Variants in PDZD8 observed in about 807,000 individuals in gnomAD.
PDZD8 encodes the protein PDZ domain-containing protein 8.
In PDZD8, 14 loss-of-function variants were observed where a neutral mutation model predicts 85.8. That is an observed-to-expected ratio of 0.16 (90% CI 0.11 to 0.26). PDZD8 has a LOEUF of 0.26. PDZD8 is among the 10% of genes least tolerant of loss of function. The pLI, the probability that PDZD8 is intolerant of heterozygous loss-of-function variation, is 1.00. For synonymous variants in PDZD8, 592 were observed against 568.6 expected, an observed-to-expected ratio of 1.04 and a Z score of -0.59; for missense variants, 1,197 against 1,424.3, an observed-to-expected ratio of 0.84 and a Z score of 2.57.
At chr10:117,309,429 CA>C (rs1439404011) in intron 3 of PDZD8, among the ~76,000 whole-genome samples, 2 of 151,774 alleles carry the variant, frequency 1.3e-5, no homozygotes, top group Admixed American at 1.3e-4. Context: ...CAAAGCACCA[CA>C]TGAAAAACAT....
At chr10:117,349,252 A>G (rs74159183) in intron 1 of PDZD8, among the ~76,000 whole-genome samples, 2,031 of 152,274 alleles carry the variant, frequency 0.013, 44 homozygotes, top group African/African-American at 0.045. Context: ...TCTCCAAGAA[A>G]TAAGAGGAAA....
At chr10:117,339,128 CA>C (rs71013660) in intron 2 of PDZD8, among the ~76,000 whole-genome samples, 230 of 129,362 alleles carry the variant, frequency 1.8e-3, no homozygotes, top group African/African-American at 6.3e-3. Context: ...TGGACTTAAC[CA>C]AAAAAAAAAA....
intron 3 of PDZD8, among the ~76,000 whole-genome samples, chr10:117,318,245 C>A (rs1167406425): frequency 2.6e-5 from 4 of 152,164 alleles, no homozygotes; most frequent in African/African-American, 9.7e-5. Flanking sequence ...ATCACCAGAT[C>A]TAAAGAGCCT....
At chr10:117,362,748 A>G (rs1056316445) in intron 1 of PDZD8, among the ~76,000 whole-genome samples, 2 of 152,110 alleles carry the variant, frequency 1.3e-5, no homozygotes, top group African/African-American at 4.8e-5. Context: ...TATAATTTAG[A>G]TACACTGTAT....
rs151329411 is a variant in PDZD8, at chr10:117,283,849, C to T, written c.2884G>A (p.Asp962Asn). The T allele has an allele frequency of 2.9e-5, 47 of 1,614,034 alleles. No homozygotes were observed. The highest frequency in any genetic ancestry group is 5.0e-5 in the Admixed American group (3 of 60,002). Residue 962 changes from aspartate (D) to asparagine (N), a missense_variant, in exon 5 of 5, where the codon GAT (aspartate) becomes AAT (asparagine). Physicochemically the swap from Asp to Asn is conservative, Grantham distance 23. Around this residue, in one of 4 missense-constraint regions of PDZD8, gnomAD observed 418 missense variants for 571.1 expected, o/e 0.73. Transcript: ENST00000334464. ...SKTRLSEPGT[D>N]LVEPSPKHTP... is the part of the protein sequence containing the mutation. ...TGTTTTGGTGAAGGTTCTACGAGAT[C>T]GGTTCCTGGTTCAGAAAGGCGAGTT...
chr10:117,372,344 T>C (rs186643282), intron 1 of PDZD8, among the ~76,000 whole-genome samples: 58 of 152,322 alleles, frequency 3.8e-4, no homozygotes, highest in African/African-American at 1.3e-3. Flanking sequence ...AGTAATAAAC[T>C]TCTCAATGCC....
At chr10:117,365,299 G>A (rs909294589) in intron 1 of PDZD8, among the ~76,000 whole-genome samples, 2 of 152,118 alleles carry the variant, frequency 1.3e-5, no homozygotes, top group Admixed American at 1.3e-4. Context: ...TAGAACAAAT[G>A]AAGTAGGTAT....
rs141939293 is a variant in PDZD8 at position 117,299,999 on chromosome 10, C to T, written c.1099-9651G>A. ...ACAACAGAACCACCACTTCTTTCAGCTATTACACGGGTTTTTGTAGACTGG... is the reference window on the plus strand; with the variant it reads ...ACAACAGAACCACCACTTCTTTCAGTTATTACACGGGTTTTTGTAGACTGG... On this transcript the variant is annotated intron_variant, in intron 3 of 4. Coordinates refer to ENST00000334464, the MANE Select transcript of PDZD8 (RefSeq NM_173791.5). Among the ~76,000 whole-genome samples the T allele has an allele frequency of 1.6e-3, 246 of 152,264 alleles. 5 individuals carry two copies. Among genetic ancestry groups the T allele is most frequent in the African/African-American group, 5.5e-3 (228 of 41,558 alleles).
Position 117,374,795 on chromosome 10 carries a change from G to C in PDZD8, c.433C>G (p.Leu145Val). 6.2e-7 allele frequency: 1 copy of C among 1,613,300 alleles called. No homozygotes were observed. The highest frequency in any genetic ancestry group is 1.1e-5 in the South Asian group (1 of 91,078). ...TAGRLLEGLS[L>V]RDVFLGETVP... Reference sequence around the variant, plus strand: ...GTCTCGCCCAGGAACACGTCCCGCAGGCTCAGCCCCTCCAGCAGGCGCCCG... The same window carrying C: ...GTCTCGCCCAGGAACACGTCCCGCACGCTCAGCCCCTCCAGCAGGCGCCCG... The change falls in exon 1 of 5, where the codon CTG becomes GTG. Residue 145 changes from leucine (L) to valine (V), a missense_variant. Transcript: ENST00000334464. The surrounding 1 kb of genome is among the most constrained non-coding windows in gnomAD (Gnocchi z 7.8).
chr10:117,346,095 G>A (rs1436784071), intron 1 of PDZD8, among the ~76,000 whole-genome samples: 2 of 151,762 alleles, frequency 1.3e-5, no homozygotes, highest in African/African-American at 4.8e-5. Context: ...ATAAAAATTA[G>A]CCGGGCGTGG....
rs114690685 is a variant in PDZD8 at position 117,284,866 on chromosome 10, C to T, written c.1867G>A (p.Val623Met). Reference sequence around the variant, plus strand: ...GATTTATCTACAAGAGGAGGTGGCACCACCTTCTCTGGCTTTTCAACGAGA... The same window carrying T: ...GATTTATCTACAAGAGGAGGTGGCATCACCTTCTCTGGCTTTTCAACGAGA... ...DVLVEKPEKV[V>M]PPPLVDKSAE... Residue 623 changes from valine to methionine, a missense_variant, in exon 5 of 5, where the codon GTG becomes ATG. This residue lies in a region of PDZD8 where 263 missense variants were observed against 261.9 expected (regional missense o/e 1.00). Coordinates refer to ENST00000334464, the MANE Select transcript of PDZD8 (RefSeq NM_173791.5). 1 of 1,614,132 alleles carries T rather than the reference C, an allele frequency of 6.2e-7. No individual in the cohort carries two copies. The highest frequency in any genetic ancestry group is 8.5e-7 in the Non-Finnish European group (1 of 1,180,026).
At chr10:117,300,985 AATC>A (rs1019620343) in intron 3 of PDZD8, among the ~76,000 whole-genome samples, 2 of 152,136 alleles carry the variant, frequency 1.3e-5, no homozygotes, top group African/African-American at 4.8e-5. Flanking sequence ...AGCAACTAAA[AATC>A]ATCATTTTTT....
In PDZD8 at chr10:117,297,297, C is replaced by T. The variant is rs187176767; in HGVS notation, c.1099-6949G>A. On this transcript the variant is annotated intron_variant, in intron 3 of 4. Transcript: ENST00000334464. ...GAGGATGTGAAGCAACTAAAACTCT[C>T]CTATATTGCTGATGGGAATATAAAA... 1.5e-4 allele frequency among the ~76,000 whole-genome samples: 23 copies of T among 152,262 alleles called. 1 individual carries two copies. In the East Asian group the frequency reaches 4.0e-3, roughly 27 times the overall value.
chr10:117,359,990 C>CA (rs35711236), intron 1 of PDZD8, among the ~76,000 whole-genome samples: 22,093 of 149,840 alleles, frequency 0.15, 1,890 homozygotes, highest in East Asian at 0.41. Context: ...AATACTGTTA[C>CA]AAAAAAAAAA....
intron 2 of PDZD8, among the ~76,000 whole-genome samples, chr10:117,325,558 A>G (rs1004065170): frequency 6.6e-6 from 1 of 151,734 alleles, no homozygotes; most frequent in Admixed American, 6.6e-5. Context: ...GCGTGCCACC[A>G]TGCCTGGCTA....
In PDZD8 at chr10:117,278,602, T is replaced by G. The variant is rs1844534046; in HGVS notation, c.*4666A>C. ...ACTACTTGTGAATCCTGCAGTTCTA[T>G]AATCATAAACAAAAATTACTTAGTT... is the stretch of plus-strand genomic sequence containing the variant. On this transcript the variant is annotated 3_prime_UTR_variant, in exon 5 of 5. Coordinates refer to ENST00000334464, the MANE Select transcript of PDZD8 (RefSeq NM_173791.5). 1 of 152,220 alleles carries G rather than the reference T, an allele frequency of 6.6e-6. No homozygotes were observed. The highest frequency in any genetic ancestry group is 1.5e-5 in the Non-Finnish European group (1 of 68,052). 9.4% of individuals were successfully genotyped at this position (152,220 alleles called of 1,614,324 possible).
intron 3 of PDZD8, among the ~76,000 whole-genome samples, chr10:117,313,157 T>C (rs548377049): frequency 1.1e-4 from 16 of 152,266 alleles, no homozygotes; most frequent in African/African-American, 3.8e-4. Flanking sequence ...ATACTGTACA[T>C]TCCTTCTTCT....
At chr10:117,367,132 G>A (rs543200437) in intron 1 of PDZD8, among the ~76,000 whole-genome samples, 34 of 152,156 alleles carry the variant, frequency 2.2e-4, no homozygotes, top group African/African-American at 7.7e-4. Context: ...ATAGCCTCCC[G>A]GCAGGGTGTG....
intron 1 of PDZD8, among the ~76,000 whole-genome samples, chr10:117,366,099 CT>C (rs1259473955): frequency 4.6e-5 from 7 of 152,050 alleles, no homozygotes; most frequent in Non-Finnish European, 8.8e-5. Flanking sequence ...GGATTACCCC[CT>C]CCTCCAGCAT....
Sources: gnomAD v4.1 joint callset for allele counts (sites outside exome capture counted in the v4.1 genomes callset) on GRCh38, gnomAD v4.1.1 for gene constraint, gnomAD v4.1.1 regional missense constraint, Gnocchi (gnomAD v3.1) non-coding constraint, MANE v1.5 for transcripts, NCBI Gene and HGNC (gene_info 2026-07-23, HGNC 2026-07-21) for gene names.